UPF1: variants seen among roughly 807,000 people sequenced by gnomAD.
UPF1 encodes UPF1 RNA helicase and ATPase.
A neutral mutation model predicts 129.2 loss-of-function variants in UPF1; 9 were observed. The ratio of observed to expected loss-of-function variants is 0.07; its 90% CI spans 0.04 to 0.12. The LOEUF is 0.12. Among genes scored for constraint, UPF1 ranks in the 10% least tolerant of loss-of-function variants. UPF1 has a pLI of 1.00. For missense variants in UPF1, 788 were observed against 1,525.3 expected (o/e 0.52, Z 8.05); for synonymous variants, 649 against 644.9 (o/e 1.01, Z -0.10).
intron 1 of UPF1, among the ~76,000 whole-genome samples, chr19:18,841,560 G>C (rs945571184): frequency 6.6e-6 from 1 of 152,200 alleles, no homozygotes; most frequent in Non-Finnish European, 1.5e-5. Flanking sequence ...CCTGCGTTCC[G>C]AGCGGCCTCT....
chr19:18,845,599 CT>C (rs921860235), intron 1 of UPF1, among the ~76,000 whole-genome samples: 1 of 152,100 alleles, frequency 6.6e-6, no homozygotes, highest in Non-Finnish European at 1.5e-5. Context: ...GAGCCTTACA[CT>C]GTGGTGGGTC....
At chr19:18,840,069 C>T (rs1468695987) in intron 1 of UPF1, among the ~76,000 whole-genome samples, 5 of 152,182 alleles carry the variant, frequency 3.3e-5, no homozygotes, top group African/African-American at 1.2e-4. Context: ...GGTGCCTTGA[C>T]CAAGGCTGGG....
intron 6 of UPF1, 98 bp downstream of exon 6, chr19:18,852,394 G>A (rs1004341334): frequency 2.6e-5 from 40 of 1,522,972 alleles, no homozygotes; most frequent in South Asian, 1.8e-4. Flanking sequence ...GGCTGTGGGA[G>A]CTGATGTGGG....
At chr19:18,843,977 C>G (rs1445597183) in intron 1 of UPF1, among the ~76,000 whole-genome samples, 1 of 151,846 alleles carries the variant, frequency 6.6e-6, no homozygotes, top group South Asian at 2.1e-4. Flanking sequence ...TGAGAACTCC[C>G]GGGCTCAAGC....
intron 1 of UPF1, among the ~76,000 whole-genome samples, chr19:18,841,043 G>C (rs980454074): frequency 2.6e-5 from 4 of 152,252 alleles, no homozygotes; most frequent in Non-Finnish European, 5.9e-5. Flanking sequence ...ATCCCAGGCA[G>C]AGGTGTTTGG....
At chr19:18,846,374 C>T (rs2055599391) in intron 2 of UPF1, among the ~76,000 whole-genome samples, 1 of 152,162 alleles carries the variant, frequency 6.6e-6, no homozygotes, top group Non-Finnish European at 1.5e-5. Flanking sequence ...CCTTTGGCCT[C>T]CTCAGACCCT....
rs749622332 is a variant in UPF1 at position 18,852,207 on chromosome 19, C to A, written c.883C>A (p.Arg295=). Residue 295 remains arginine, a synonymous_variant, in exon 6 of 24, where the codon CGG becomes AGG. Transcript: ENST00000262803. ...CGAGGAGCCGCAGCATGTCCTCCTG[C>A]GGTACGAGGACGCCTACCAGTACCA... ...VDEEPQHVLL[R]YEDAYQYQNI... is the part of the protein sequence containing the mutation. 2 of 1,613,454 alleles carry A rather than the reference C, an allele frequency of 1.2e-6. No homozygotes were observed. The highest frequency in any genetic ancestry group is 1.7e-6 in the Non-Finnish European group (2 of 1,179,716).
At position 18,856,991 on chromosome 19, in the gene UPF1, A is replaced by C; in HGVS notation, c.1939A>C (p.Met647Leu). Residue 647 changes from methionine to leucine, a missense_variant, in exon 14 of 24, where the codon ATG becomes CTG. Met to Leu is a conservative substitution (Grantham distance 15). Transcript: ENST00000262803. ...CACCCAGGCCACCGAGCCGGAGTGC[A>C]TGGTTCCCGTGGTCCTCGGGGCCAA... is the stretch of plus-strand genomic sequence containing the variant. ...ESTQATEPEC[M>L]VPVVLGAKQL... is the part of the protein sequence containing the mutation. 1.2e-6 allele frequency: 2 copies of C among 1,612,830 alleles called. No homozygotes were observed. Among genetic ancestry groups the C allele is most frequent in the Non-Finnish European group, 1.7e-6 (2 of 1,179,926 alleles).
At position 18,865,631 on chromosome 19, in the gene UPF1, C is replaced by G. The variant is rs762661585; in HGVS notation, c.3090C>G (p.Pro1030=). ...AGAACCGCTTTGGGCTTCCTGGACC[C>G]AGCCAGACTAACCTCCCCAACAGCC... The part of the protein sequence containing the change: ...RQKNRFGLPG[P]SQTNLPNSQA... Residue 1030 remains proline, a synonymous_variant, in exon 22 of 24, where the codon CCC becomes CCG. Coordinates refer to ENST00000262803, the MANE Select transcript of UPF1 (RefSeq NM_002911.4). This position sits in a 1 kb window ranked among gnomAD's most constrained non-coding sequence, Gnocchi z 6.1. The G allele has an allele frequency of 6.2e-7, 1 of 1,613,854 alleles. No homozygotes were observed. Among genetic ancestry groups the G allele is most frequent in the South Asian group, 1.1e-5 (1 of 91,088 alleles).
rs574837679 is a variant in UPF1 at position 18,860,735 on chromosome 19, A to G, written c.2301-91A>G. ...CCAGTGATGGCAGCTGCCTTCCCGC[A>G]GGGTGTTGTGTCTGCACCCCTCACG... On this transcript the variant is annotated intron_variant, in intron 16 of 23. Coordinates refer to ENST00000262803, the MANE Select transcript of UPF1 (RefSeq NM_002911.4). The G allele has an allele frequency of 2.3e-5, 35 of 1,533,342 alleles. 1 individual carries two copies. Among genetic ancestry groups the G allele is most frequent in the Middle Eastern group, 4.6e-4 (2 of 4,318 alleles). The allele number at this position is 1,533,342 out of a possible 1,614,324, so 95.0% of individuals were successfully genotyped here. A position where few individuals can be genotyped will look rare whatever the true frequency, so the allele number is the denominator to read the frequency against.
At chr19:18,837,617 A>G (rs955774844) in intron 1 of UPF1, among the ~76,000 whole-genome samples, 1 of 152,166 alleles carries the variant, frequency 6.6e-6, no homozygotes, top group Non-Finnish European at 1.5e-5. Flanking sequence ...AGCTCACCTG[A>G]AAGTATGAGG....
chr19:18,864,819 A>C (rs2055823763), intron 20 of UPF1, among the ~76,000 whole-genome samples: 2 of 136,446 alleles, frequency 1.5e-5, no homozygotes, highest in South Asian at 4.6e-4. Context: ...GGCTCACTGC[A>C]ACCTCCCCCT....
intron 1 of UPF1, among the ~76,000 whole-genome samples, chr19:18,834,547 A>G (rs1019089277): frequency 1.3e-5 from 2 of 152,186 alleles, no homozygotes; most frequent in Non-Finnish European, 2.9e-5. Flanking sequence ...GCTCACTAGA[A>G]TTCTGACGAC....
chr19:18,862,373 C>T (rs1010658376), intron 18 of UPF1, among the ~76,000 whole-genome samples: 2 of 152,138 alleles, frequency 1.3e-5, no homozygotes, highest in Non-Finnish European at 2.9e-5. Flanking sequence ...CCAGGCCCTT[C>T]TGGTCTGATT....
chr19:18,858,517 C>T (rs2055742415), intron 15 of UPF1, among the ~76,000 whole-genome samples: 1 of 152,066 alleles, frequency 6.6e-6, no homozygotes, highest in East Asian at 1.9e-4. Context: ...AAAGAGTTGT[C>T]ACAGGCCTGC....
chr19:18,836,931 T>A (rs552863327), intron 1 of UPF1, among the ~76,000 whole-genome samples: 37 of 151,302 alleles, frequency 2.4e-4, no homozygotes, highest in Admixed American at 6.6e-4. Context: ...TTTTTTGTAT[T>A]TTTATAGAGG....
chr19:18,843,360 C>G (rs1399406126), intron 1 of UPF1, among the ~76,000 whole-genome samples: 1 of 152,202 alleles, frequency 6.6e-6, no homozygotes, highest in East Asian at 1.9e-4. Context: ...GCTGAGGGAA[C>G]AGCAGGTGCA....
rs943632018 is a variant in UPF1, at chr19:18,858,152, G to A, written c.2182+619G>A. Among the ~76,000 whole-genome samples the A allele has an allele frequency of 4.6e-5, 7 of 152,188 alleles. No individual in the cohort carries two copies. The East Asian group carries it at 5.8e-4, about 13-fold the overall frequency. On this transcript the variant is annotated intron_variant, in intron 15 of 23. Coordinates refer to ENST00000262803, the MANE Select transcript of UPF1 (RefSeq NM_002911.4). Reference sequence around the variant, plus strand: ...TCGTGACACCTTTGGGTATGCCGGCGCTTGAAGGAAGTCCTTGTGGACACA... The same window carrying A: ...TCGTGACACCTTTGGGTATGCCGGCACTTGAAGGAAGTCCTTGTGGACACA...
Position 18,867,162 on chromosome 19 carries a change from A to G in UPF1, c.*645A>G, listed in dbSNP as rs2055859732. ...TAGCGGTGGACCTGGGAGATTTGAG[A>G]AGCTTCCAGAAACAGTTTAAACAAG... On this transcript the variant is annotated 3_prime_UTR_variant, in exon 24 of 24. Transcript: ENST00000262803. The G allele has an allele frequency of 1.3e-5, 2 of 152,478 alleles. No homozygotes were observed. Among genetic ancestry groups the G allele is most frequent in the South Asian group, 4.1e-4 (2 of 4,830 alleles). The allele number at this position is 152,478 out of a possible 1,614,324, so 9.4% of individuals were successfully genotyped here. A position where few individuals can be genotyped will look rare whatever the true frequency, so the allele number is the denominator to read the frequency against.
Sources: allele counts gnomAD v4.1 joint callset (sites outside exome capture counted in the v4.1 genomes callset), GRCh38; gene constraint gnomAD v4.1.1; non-coding constraint Gnocchi (gnomAD v3.1); transcripts MANE v1.5; gene names NCBI Gene and HGNC (gene_info 2026-07-23, HGNC 2026-07-21).